PLCG2: variants seen among roughly 807,000 people sequenced by gnomAD.
PLCG2 encodes the protein 1-phosphatidylinositol 4,5-bisphosphate phosphodiesterase gamma-2.
A neutral mutation model predicts 175.6 loss-of-function variants in PLCG2; 69 were observed. That is an observed-to-expected ratio of 0.39 (90% confidence interval 0.32 to 0.48). The LOEUF (loss-of-function observed/expected upper bound fraction) is 0.48, where lower values mean the gene tolerates loss of function less well. Ranked by LOEUF, PLCG2 falls within the 20% of genes least tolerant of loss-of-function variation. PLCG2 has a pLI of 0.91. For missense variants in PLCG2, 1,798 were observed against 1,650.9 expected, an observed-to-expected ratio of 1.09 and a Z score of -1.54; for synonymous variants, 827 against 624.0, an observed-to-expected ratio of 1.33 and a Z score of -4.85.
At chr16:81,922,450 A>G (rs528487351) in intron 21 of PLCG2, among the ~76,000 whole-genome samples, 1 of 152,370 alleles carries the variant, frequency 6.6e-6, no homozygotes, top group African/African-American at 2.4e-5. Context: ...TAGCGATACT[A>G]TAGTTAGCAC....
At chr16:81,948,344 G>A (rs1208794947) in intron 31 of PLCG2, among the ~76,000 whole-genome samples, 1 of 151,108 alleles carries the variant, frequency 6.6e-6, no homozygotes, top group African/African-American at 2.4e-5. Context: ...AAATAGGAAA[G>A]CTTAAATAGT....
chr16:81,847,361 G>A (rs780306116), intron 2 of PLCG2, among the ~76,000 whole-genome samples: 3 of 152,110 alleles, frequency 2.0e-5, no homozygotes, highest in Non-Finnish European at 4.4e-5. Flanking sequence ...AATTACAAAG[G>A]CATGATTGAT....
chr16:81,761,144 A>G lies in PLCG2; in HGVS notation c.-48+5178A>G, dbSNP rs1258548175. 2.0e-5 allele frequency among the ~76,000 whole-genome samples: 3 copies of G among 152,028 alleles called. No individual in the cohort carries two copies. The South Asian group carries it at 6.2e-4, about 32-fold the overall frequency. ...ACTTCTGGGCTCAAGTGATCCTCCCACCTTAGCCTCCCAAACTGCTGGCCT... is the reference window on the plus strand; with the variant it reads ...ACTTCTGGGCTCAAGTGATCCTCCCGCCTTAGCCTCCCAAACTGCTGGCCT... On this transcript the variant is annotated intron_variant, in intron 2 of 5. Transcript: ENST00000565054.
At chr16:81,817,170 G>A (rs1177674334) in intron 2 of PLCG2, among the ~76,000 whole-genome samples, 8 of 152,238 alleles carry the variant, frequency 5.3e-5, no homozygotes, top group South Asian at 2.1e-4. Flanking sequence ...CAGGAAGAGC[G>A]CACATGATGG....
At chr16:81,786,240 C>T in intron 2 of PLCG2, 58 bp downstream of exon 2, 1 of 1,353,934 alleles carries the variant, frequency 7.4e-7, no homozygotes, top group Non-Finnish European at 1.0e-6. Context: ...GGCCTGAGCA[C>T]CTGTCCACCT....
At chr16:81,917,021 C>T (rs957210493) in intron 19 of PLCG2, among the ~76,000 whole-genome samples, 1 of 152,084 alleles carries the variant, frequency 6.6e-6, no homozygotes, top group Non-Finnish European at 1.5e-5. Context: ...AATTTTGTAT[C>T]CTTTGACCAA....
At chr16:81,770,631 T>C (rs535061871) in intron 2 of PLCG2, among the ~76,000 whole-genome samples, 4 of 152,134 alleles carry the variant, frequency 2.6e-5, no homozygotes, top group African/African-American at 7.2e-5. Context: ...GGGAGGATTG[T>C]ATGAGCCCGG....
At chr16:81,882,405 C>CAAAATTAACTGCAGTGTGAAAGACACTT (rs1908128396) in intron 8 of PLCG2, among the ~76,000 whole-genome samples, 1 of 152,128 alleles carries the variant, frequency 6.6e-6, no homozygotes, top group African/African-American at 2.4e-5. Context: ...TCTGGTGGGG[C>CAAAATTAACTGCAGTGTGAAAGACACTT]CTCATGTGGC....
intron 2 of PLCG2, among the ~76,000 whole-genome samples, chr16:81,800,353 C>G (rs1046959293): frequency 3.3e-5 from 5 of 152,168 alleles, no homozygotes. Context: ...TATTCTGATG[C>G]TCTCCTCCAT....
chr16:81,840,255 C>T (rs1437627751), intron 2 of PLCG2, among the ~76,000 whole-genome samples: 2 of 152,164 alleles, frequency 1.3e-5, no homozygotes, highest in Non-Finnish European at 2.9e-5. Context: ...CCTGAGCTGC[C>T]CACCCTGTCA....
chr16:81,932,496 A>G (rs1225698636), intron 25 of PLCG2, among the ~76,000 whole-genome samples: 2 of 152,164 alleles, frequency 1.3e-5, no homozygotes, highest in Admixed American at 6.5e-5. Flanking sequence ...TCTAAGGTAG[A>G]ACTTGACCCA....
upstream of PLCG2, among the ~76,000 whole-genome samples, chr16:81,775,266 A>G (rs1214201311): frequency 1.3e-5 from 2 of 152,130 alleles, no homozygotes; most frequent in African/African-American, 4.8e-5. Flanking sequence ...GTCCTTGGCA[A>G]CCACTGATCT....
chr16:81,759,159 T>C (rs997487117), intron 2 of PLCG2, among the ~76,000 whole-genome samples: 3 of 152,226 alleles, frequency 2.0e-5, no homozygotes, highest in African/African-American at 7.2e-5. Context: ...TTTTCATTAT[T>C]GAGTTGTAAG....
intron 2 of PLCG2, among the ~76,000 whole-genome samples, chr16:81,802,550 T>C (rs1441406401): frequency 6.6e-6 from 1 of 152,124 alleles, no homozygotes. Flanking sequence ...GAGGAACCTA[T>C]AGATTTGTTT....
intron 13 of PLCG2, among the ~76,000 whole-genome samples, chr16:81,899,353 AATG>A (rs905413034): frequency 1.3e-5 from 2 of 152,140 alleles, no homozygotes; most frequent in Middle Eastern, 3.4e-3. Flanking sequence ...TACATGTACT[AATG>A]ATATGTGAAT....
intron 10 of PLCG2, among the ~76,000 whole-genome samples, chr16:81,890,109 C>T (rs533176223): frequency 5.3e-4 from 81 of 152,022 alleles, no homozygotes; most frequent in Non-Finnish European, 9.1e-4. Flanking sequence ...TGCGAACGCC[C>T]GAAAAGACGT....
At chr16:81,866,965 C>T (rs1387220664) in intron 5 of PLCG2, among the ~76,000 whole-genome samples, 1 of 152,258 alleles carries the variant, frequency 6.6e-6, no homozygotes, top group Non-Finnish European at 1.5e-5. Flanking sequence ...CTGTGCCCAG[C>T]CAGCCCCAGC....
intron 5 of PLCG2, among the ~76,000 whole-genome samples, chr16:81,866,844 G>C (rs890471966): frequency 6.6e-6 from 1 of 152,220 alleles, no homozygotes; most frequent in African/African-American, 2.4e-5. Flanking sequence ...TGTTCCCACT[G>C]CTCCTCCACC....
In PLCG2 at chr16:81,940,012, C is replaced by A. The variant is rs1435811437; in HGVS notation, c.3434C>A (p.Pro1145His). 3 of 1,613,832 alleles carry A rather than the reference C, an allele frequency of 1.9e-6. No homozygotes were observed. The highest frequency in any genetic ancestry group is 2.5e-6 in the Non-Finnish European group (3 of 1,179,862). Reference sequence around the variant, plus strand: ...TATGAAGAAGATATGTTCAGCGATCCCAACTTTCTTGCTCATGCCACTTAC... The same window carrying A: ...TATGAAGAAGATATGTTCAGCGATCACAACTTTCTTGCTCATGCCACTTAC... ...VVYEEDMFSD[P>H]NFLAHATYPI... The change falls in exon 30 of 33, where the codon CCC becomes CAC. Residue 1145 changes from proline to histidine, a missense_variant. Physicochemically the swap from Pro to His is moderately conservative, Grantham distance 77 (BLOSUM62 -2). Transcript: ENST00000564138.
Sources: gnomAD v4.1 joint callset for allele counts (sites outside exome capture counted in the v4.1 genomes callset) on GRCh38, gnomAD v4.1.1 for gene constraint, MANE v1.5 for transcripts, NCBI Gene and HGNC (gene_info 2026-07-23, HGNC 2026-07-21) for gene names.